Variants in ARHGAP40 observed in about 807,000 individuals in gnomAD.
The protein encoded by ARHGAP40 is Rho GTPase activating protein 40.
ARHGAP40 carries 43 observed loss-of-function variants against 73.5 expected under a neutral mutation model. The observed-to-expected ratio is 0.58, with a 90% CI of 0.46 to 0.75. The LOEUF is 0.75. Among genes scored for constraint, ARHGAP40 ranks in the 30% least tolerant of loss-of-function variants. ARHGAP40 has a pLI of 0.00. For missense variants in ARHGAP40, 734 were observed against 861.8 expected, an observed-to-expected ratio of 0.85 and a Z score of 1.86; for synonymous variants, 300 against 352.8, an observed-to-expected ratio of 0.85 and a Z score of 1.68.
At chr20:38,639,996 CT>C (rs2089004577) in intron 9 of ARHGAP40, among the ~76,000 whole-genome samples, 1 of 152,180 alleles carries the variant, frequency 6.6e-6, no homozygotes, top group African/African-American at 2.4e-5. Context: ...CTCAGGCAGT[CT>C]GATTTCTACC....
chr20:38,609,155 G>A (rs11905794), intron 1 of ARHGAP40, among the ~76,000 whole-genome samples: 7,747 of 152,184 alleles, frequency 0.051, 647 homozygotes, highest in African/African-American at 0.18. Flanking sequence ...GTGGGTAGTG[G>A]GGGGGTTATT....
chr20:38,617,889 C>T (rs2145598684), intron 1 of ARHGAP40, among the ~76,000 whole-genome samples: 1 of 152,320 alleles, frequency 6.6e-6, no homozygotes, highest in South Asian at 2.1e-4. Context: ...TTCCTAGTAA[C>T]TGGCCATAGT....
rs773167468 is a variant in ARHGAP40, at chr20:38,623,365, C to A, written c.144C>A (p.Gly48=). Residue 48 remains glycine, a synonymous_variant, in exon 2 of 15, where the codon GGC becomes GGA. Coordinates refer to ENST00000373345, the Ensembl canonical transcript of ARHGAP40. ...CCTTCCCCACTTGCTACAGCTCTGG[C>A]CCCTCCTCAGGCCGAATGGATCAGC... is the stretch of plus-strand genomic sequence containing the variant. 203 of 1,288,614 alleles carry A rather than the reference C, an allele frequency of 1.6e-4. 1 individual carries two copies. The highest frequency in any genetic ancestry group is 8.5e-4 in the Middle Eastern group (4 of 4,682). 79.8% of individuals were successfully genotyped at this position (1,288,614 alleles called of 1,614,324 possible).
At chr20:38,620,505 G>A (rs899779038) in intron 1 of ARHGAP40, among the ~76,000 whole-genome samples, 4 of 152,190 alleles carry the variant, frequency 2.6e-5, no homozygotes, top group South Asian at 2.1e-4. Context: ...GGGTTTAGTC[G>A]CTGCAGTTTT....
chr20:38,624,546 T>TGCCTCTTCTCC (rs1168894679), intron 2 of ARHGAP40, among the ~76,000 whole-genome samples: 3 of 152,184 alleles, frequency 2.0e-5, no homozygotes, highest in African/African-American at 7.2e-5. Context: ...GCCTCCTCTC[T>TGCCTCTTCTCC]GCCTCTTCTC....
intron 6 of ARHGAP40, among the ~76,000 whole-genome samples, chr20:38,636,037 C>A (rs1017186487): frequency 1.3e-5 from 2 of 152,002 alleles, no homozygotes; most frequent in African/African-American, 4.8e-5. Flanking sequence ...CAAACTGTAC[C>A]GCATTTTAAG....
intron 1 of ARHGAP40, among the ~76,000 whole-genome samples, chr20:38,614,279 C>T (rs2088821393): frequency 6.6e-6 from 1 of 152,242 alleles, no homozygotes; most frequent in South Asian, 2.1e-4. Context: ...TGTACACATT[C>T]ATGAGTGACT....
chr20:38,628,470 A>T (rs1026954280), intron 3 of ARHGAP40, among the ~76,000 whole-genome samples: 3 of 151,534 alleles, frequency 2.0e-5, no homozygotes, highest in Non-Finnish European at 4.4e-5. Flanking sequence ...ATGCCCGGCT[A>T]ATTTTTTGTA....
chr20:38,603,931 A>G (rs1173038418), intron 1 of ARHGAP40, among the ~76,000 whole-genome samples: 1 of 152,192 alleles, frequency 6.6e-6, no homozygotes, highest in Non-Finnish European at 1.5e-5. Context: ...TTTCATTGAT[A>G]AGGATCCTTG....
At chr20:38,623,930 G>C (rs901877104) in intron 2 of ARHGAP40, among the ~76,000 whole-genome samples, 1 of 152,194 alleles carries the variant, frequency 6.6e-6, no homozygotes, top group African/African-American at 2.4e-5. Flanking sequence ...TAAGCCCTCT[G>C]CTCTAAATCC....
At chr20:38,619,625 T>C (rs2088863692) in intron 1 of ARHGAP40, among the ~76,000 whole-genome samples, 1 of 144,360 alleles carries the variant, frequency 6.9e-6, no homozygotes, top group Non-Finnish European at 1.5e-5. Flanking sequence ...CTAAATCATC[T>C]AGTATGGCAG....
intron 5 of ARHGAP40, among the ~76,000 whole-genome samples, chr20:38,632,838 G>A (rs1213912358): frequency 6.6e-6 from 1 of 151,080 alleles, no homozygotes; most frequent in Non-Finnish European, 1.5e-5. Context: ...ATAATTGGGT[G>A]TGGGCCAGGC....
At chr20:38,607,384 C>G (rs918824519) in intron 1 of ARHGAP40, among the ~76,000 whole-genome samples, 1 of 152,198 alleles carries the variant, frequency 6.6e-6, no homozygotes, top group African/African-American at 2.4e-5. Flanking sequence ...AGATCCGCAG[C>G]TCAGGGGACC....
At chr20:38,613,121 C>T (rs923011967) in intron 1 of ARHGAP40, among the ~76,000 whole-genome samples, 4 of 152,218 alleles carry the variant, frequency 2.6e-5, no homozygotes, top group African/African-American at 9.6e-5. Flanking sequence ...GAGACCTCCT[C>T]ATTTTCAAAT....
At chr20:38,629,781 C>G (rs950348706) in intron 5 of ARHGAP40, 131 bp downstream of exon 5, 1 of 1,033,858 alleles carries the variant, frequency 9.7e-7, no homozygotes, top group African/African-American at 1.7e-5. Flanking sequence ...TCATTTAATT[C>G]GTACCACAAA....
intron 1 of ARHGAP40, among the ~76,000 whole-genome samples, chr20:38,612,193 T>C (rs1299354094): frequency 6.6e-6 from 1 of 152,244 alleles, no homozygotes; most frequent in Non-Finnish European, 1.5e-5. Context: ...ATCCAGTGTG[T>C]ATTTTTCATT....
chr20:38,644,060 C>T, intron 11 of ARHGAP40, 150 bp downstream of exon 11: 2 of 580,484 alleles, frequency 3.4e-6, no homozygotes, highest in Admixed American at 3.9e-5. Flanking sequence ...TTTTCTTCCT[C>T]CCCCTGCCTT....
At chr20:38,628,974 C>T in exon 4 of ARHGAP40, 2 of 1,305,122 alleles carry the variant, frequency 1.5e-6, no homozygotes, top group South Asian at 1.2e-5. Flanking sequence ...GGGCCCAGCT[C>T]AGTTCCGGGG....
At chr20:38,611,929 G>T (rs1021312372) in intron 1 of ARHGAP40, among the ~76,000 whole-genome samples, 3 of 148,182 alleles carry the variant, frequency 2.0e-5, no homozygotes, top group African/African-American at 7.5e-5. Context: ...TTGCTGTGTT[G>T]CCCAGGCTGA....
Sources: allele counts gnomAD v4.1 joint callset (sites outside exome capture counted in the v4.1 genomes callset), GRCh38; gene constraint gnomAD v4.1.1; transcripts MANE v1.5; gene names NCBI Gene and HGNC (gene_info 2026-07-23, HGNC 2026-07-21).